UST: variants seen among roughly 807,000 people sequenced by gnomAD.
UST encodes the protein chondroitin sulfate 2-O-sulfotransferase.
A neutral mutation model predicts 45.6 loss-of-function variants in UST; 21 were observed. That is an observed-to-expected ratio of 0.46 (90% CI 0.33 to 0.66). UST has a LOEUF of 0.66. Ranked by LOEUF, UST falls within the 30% of genes least tolerant of loss-of-function variation. The pLI, the probability that UST is intolerant of heterozygous loss-of-function variation, is 0.02. For missense variants in UST, 463 were observed against 512.4 expected (o/e 0.90, Z 0.93); for synonymous variants, 215 against 200.6 (o/e 1.07, Z -0.61).
chr6:148,852,891 AC>A (rs908524262), intron 1 of UST, among the ~76,000 whole-genome samples: 1 of 152,138 alleles, frequency 6.6e-6, no homozygotes, highest in Non-Finnish European at 1.5e-5. Context: ...TATGCCCAGC[AC>A]CGAGGACAGT....
chr6:148,870,986 T>C (rs898341789), intron 1 of UST, among the ~76,000 whole-genome samples: 1 of 152,132 alleles, frequency 6.6e-6, no homozygotes, highest in African/African-American at 2.4e-5. Context: ...ATCTATATAT[T>C]GAAGCCCTAA....
intron 5 of UST, among the ~76,000 whole-genome samples, chr6:148,969,694 T>A (rs1363936815): frequency 6.6e-6 from 1 of 152,132 alleles, no homozygotes; most frequent in Admixed American, 6.5e-5. Flanking sequence ...GCTCCTCTGC[T>A]CAGGGAGTCC....
At chr6:148,978,572 A>G (rs189262458) in intron 5 of UST, among the ~76,000 whole-genome samples, 2 of 152,270 alleles carry the variant, frequency 1.3e-5, no homozygotes, top group Non-Finnish European at 2.9e-5. Flanking sequence ...TAACACAAGA[A>G]CAGAAAACCA....
intron 7 of UST, among the ~76,000 whole-genome samples, chr6:149,048,942 G>C (rs979268854): frequency 6.6e-6 from 1 of 152,174 alleles, no homozygotes; most frequent in East Asian, 1.9e-4. Flanking sequence ...GTTAACCCCT[G>C]GGGTAAAGAG....
In UST at chr6:149,066,909, A is replaced by G. The variant is rs116050908; in HGVS notation, c.938-6924A>G. Among the ~76,000 whole-genome samples, 693 of 152,246 alleles carry G rather than the reference A, an allele frequency of 4.6e-3. 7 individuals carry two copies. Among genetic ancestry groups the G allele is most frequent in the African/African-American group, 0.015 (643 of 41,538 alleles). The stretch of plus-strand genomic sequence containing the variant: ...GCCACCACTGCACTCTAGCCTGGGC[A>G]ACAGAGCAAGACCCTACCTCTTAAA... On this transcript the variant is annotated intron_variant, in intron 7 of 7. Coordinates refer to ENST00000367463, the MANE Select transcript of UST (RefSeq NM_005715.3).
intron 1 of UST, among the ~76,000 whole-genome samples, chr6:148,766,482 C>G (rs938968538): frequency 1.1e-4 from 16 of 152,174 alleles, no homozygotes; most frequent in African/African-American, 3.6e-4. Flanking sequence ...AAATGCTCAT[C>G]AAGCACCAGT....
intron 2 of UST, among the ~76,000 whole-genome samples, chr6:148,895,702 G>C (rs1779114315): frequency 6.6e-6 from 1 of 152,192 alleles, no homozygotes; most frequent in Admixed American, 6.5e-5. Context: ...TGCTTTCACT[G>C]ATTCTCACTC....
intron 6 of UST, 137 bp downstream of exon 6, chr6:149,019,373 T>A: frequency 1.5e-6 from 1 of 666,256 alleles, no homozygotes; most frequent in Non-Finnish European, 2.6e-6. Context: ...TTACTATTAA[T>A]CTTTCAAGAT....
intron 2 of UST, among the ~76,000 whole-genome samples, chr6:148,939,364 G>A (rs1011252146): frequency 6.6e-6 from 1 of 152,122 alleles, no homozygotes; most frequent in Non-Finnish European, 1.5e-5. Flanking sequence ...AGTTCACATG[G>A]AAATGCAAAG....
At chr6:149,051,979 A>G (rs1188680025) in intron 7 of UST, among the ~76,000 whole-genome samples, 1 of 152,230 alleles carries the variant, frequency 6.6e-6, no homozygotes, top group Non-Finnish European at 1.5e-5. Flanking sequence ...GAATTAAATA[A>G]TTATAGATTA....
chr6:149,041,920 A>G (rs906150280), intron 7 of UST, among the ~76,000 whole-genome samples: 3 of 152,232 alleles, frequency 2.0e-5, no homozygotes, highest in African/African-American at 7.2e-5. Flanking sequence ...CTAGAATACA[A>G]TATATTGACA....
chr6:149,045,868 C>A lies in UST; in HGVS notation c.937+24387C>A, dbSNP rs374629034. Reference sequence around the variant, plus strand: ...CCACAATTTTGCCAGTCACCCAAGTCTGGAAGCTTGAAGTCCTTTCAATTA... The same window carrying A: ...CCACAATTTTGCCAGTCACCCAAGTATGGAAGCTTGAAGTCCTTTCAATTA... On this transcript the variant is annotated intron_variant, in intron 7 of 7. Transcript: ENST00000367463. Among the ~76,000 whole-genome samples, 22 of 152,298 alleles carry A rather than the reference C, an allele frequency of 1.4e-4. No individual in the cohort carries two copies. In the East Asian group the frequency reaches 3.5e-3, roughly 24 times the overall value.
At chr6:148,866,814 C>T (rs1418435362) in intron 1 of UST, among the ~76,000 whole-genome samples, 1 of 152,166 alleles carries the variant, frequency 6.6e-6, no homozygotes, top group Non-Finnish European at 1.5e-5. Flanking sequence ...TATATTTCCT[C>T]CATTGCTGAG....
chr6:148,895,920 T>C (rs937498453), intron 2 of UST, among the ~76,000 whole-genome samples: 9 of 152,260 alleles, frequency 5.9e-5, no homozygotes, highest in Admixed American at 4.6e-4. Context: ...TTTTTTCCCC[T>C]TTTAATAACT....
intron 1 of UST, among the ~76,000 whole-genome samples, chr6:148,821,424 A>T (rs1255678385): frequency 1.3e-5 from 2 of 152,192 alleles, no homozygotes; most frequent in Non-Finnish European, 2.9e-5. Flanking sequence ...TTCTCAGTGC[A>T]TCATGTTAGC....
At chr6:148,985,050 G>A (rs945216440) in intron 5 of UST, among the ~76,000 whole-genome samples, 5 of 152,180 alleles carry the variant, frequency 3.3e-5, no homozygotes, top group African/African-American at 7.2e-5. Flanking sequence ...GTACTGCTGA[G>A]GGTAGGGAAT....
intron 3 of UST, among the ~76,000 whole-genome samples, chr6:148,945,161 C>T (rs12193341): frequency 0.14 from 20,973 of 152,244 alleles, 1,721 homozygotes; most frequent in Admixed American, 0.19. Flanking sequence ...CACCTACAAC[C>T]TGCATTGTTT....
intron 1 of UST, among the ~76,000 whole-genome samples, chr6:148,798,768 T>G (rs965832780): frequency 1.3e-5 from 2 of 152,166 alleles, no homozygotes; most frequent in African/African-American, 2.4e-5. Flanking sequence ...AAACATTTGT[T>G]ACTCTTTAGT....
intron 1 of UST, among the ~76,000 whole-genome samples, chr6:148,766,122 A>T (rs1464815592): frequency 6.6e-6 from 1 of 152,094 alleles, no homozygotes; most frequent in Non-Finnish European, 1.5e-5. Flanking sequence ...GGTTTTGGTT[A>T]GGCTTATATC....
Sources: gnomAD v4.1 joint callset for allele counts (sites outside exome capture counted in the v4.1 genomes callset) on GRCh38, gnomAD v4.1.1 for gene constraint, MANE v1.5 for transcripts, NCBI Gene and HGNC (gene_info 2026-07-23, HGNC 2026-07-21) for gene names.